The following SPP2 variants were observed in gnomAD, a reference collection of about 807,000 sequenced individuals.
The protein encoded by SPP2 is secreted phosphoprotein 2.
A neutral mutation model predicts 28.8 loss-of-function variants in SPP2; 34 were observed. The ratio of observed to expected loss-of-function variants is 1.18; its 90% CI spans 0.90 to 1.57. The LOEUF (loss-of-function observed/expected upper bound fraction) is 1.57. SPP2 is among the 40% of genes most tolerant of loss of function. The pLI is 0.00. For missense variants in SPP2, 269 were observed against 263.9 expected (o/e 1.02, Z -0.13); for synonymous variants, 96 against 89.4 (o/e 1.07, Z -0.42).
intron 2 of SPP2, among the ~76,000 whole-genome samples, chr2:234,055,327 A>G (rs1043975727): frequency 1.3e-5 from 2 of 152,252 alleles, no homozygotes; most frequent in African/African-American, 2.4e-5. Flanking sequence ...TTCTGATGGG[A>G]AGATTTCTGT....
At chr2:234,063,952 T>C (rs574466387) in intron 4 of SPP2, among the ~76,000 whole-genome samples, 2 of 152,276 alleles carry the variant, frequency 1.3e-5, no homozygotes, top group South Asian at 4.1e-4. Context: ...TTTCAAAAGA[T>C]AGATATTCAA....
In SPP2 at chr2:234,063,568, T is replaced by C. The variant is rs144797915; in HGVS notation, c.445-2965T>C. On this transcript the variant is annotated intron_variant, in intron 4 of 7. Transcript: ENST00000168148. The stretch of plus-strand genomic sequence containing the variant: ...ATTCTCCTATAGTTAACTAAATAGA[T>C]AGGTGAATTATCGGTAGTTTTTATT... Among the ~76,000 whole-genome samples the C allele has an allele frequency of 3.5e-3, 539 of 152,310 alleles. 5 individuals carry two copies. The highest frequency in any genetic ancestry group is 0.013 in the African/African-American group (520 of 41,570).
At chr2:234,059,084 G>C in intron 3 of SPP2, 126 bp downstream of exon 3, 1 of 1,154,832 alleles carries the variant, frequency 8.7e-7, no homozygotes, top group Admixed American at 2.9e-5. Flanking sequence ...CTAACATGTG[G>C]ACATTGTGTC....
chr2:234,075,000 CAAAAAAAA>C (rs3078239), intron 7 of SPP2, among the ~76,000 whole-genome samples: 1 of 116,958 alleles, frequency 8.6e-6, no homozygotes, highest in Non-Finnish European at 1.7e-5. Flanking sequence ...CACAAAAATG[CAAAAAAAA>C]AAAAAAAAAA....
rs116310052 is a variant in SPP2, at chr2:234,068,925, A to C, written c.551-1003A>C. On this transcript the variant is annotated intron_variant, in intron 6 of 7. Transcript: ENST00000168148. Reference sequence around the variant, plus strand: ...TCACAGTTTCTGAGGGTCAAAGACCAAGGAGAAACTTAGCTGGGTGGTTCT... The same window carrying C: ...TCACAGTTTCTGAGGGTCAAAGACCCAGGAGAAACTTAGCTGGGTGGTTCT... Among the ~76,000 whole-genome samples the C allele has an allele frequency of 3.5e-3, 539 of 152,298 alleles. 5 individuals are homozygous for C. The highest frequency in any genetic ancestry group is 0.013 in the African/African-American group (521 of 41,570).
chr2:234,053,646 T>A (rs2267901), intron 2 of SPP2, among the ~76,000 whole-genome samples: 40,626 of 151,904 alleles, frequency 0.27, 5,703 homozygotes, highest in South Asian at 0.5. Flanking sequence ...AATATTCTTT[T>A]AATTGATTTC....
At chr2:234,059,758 C>G (rs897498163) in intron 3 of SPP2, among the ~76,000 whole-genome samples, 3 of 152,118 alleles carry the variant, frequency 2.0e-5, no homozygotes, top group African/African-American at 7.2e-5. Context: ...CAGAAGTCAT[C>G]ATGGCAGATT....
At chr2:234,056,736 T>C (rs990127159) in intron 2 of SPP2, among the ~76,000 whole-genome samples, 2 of 152,134 alleles carry the variant, frequency 1.3e-5, no homozygotes, top group African/African-American at 4.8e-5. Flanking sequence ...AGACACAGAT[T>C]TAACGTTCAA....
chr2:234,064,543 C>G (rs181152705), intron 4 of SPP2, among the ~76,000 whole-genome samples: 1 of 151,804 alleles, frequency 6.6e-6, no homozygotes, highest in Non-Finnish European at 1.5e-5. Flanking sequence ...TGTTTTGATA[C>G]CCCCCTTTAA....
At chr2:234,055,296 C>G (rs1459189347) in intron 2 of SPP2, among the ~76,000 whole-genome samples, 1 of 152,216 alleles carries the variant, frequency 6.6e-6, no homozygotes, top group Non-Finnish European at 1.5e-5. Flanking sequence ...AATCCAAAGG[C>G]AGTCTGCTGG....
At chr2:234,070,506 T>C (rs906099796) in intron 7 of SPP2, among the ~76,000 whole-genome samples, 7 of 152,210 alleles carry the variant, frequency 4.6e-5, no homozygotes, top group Non-Finnish European at 1.0e-4. Context: ...TTGTTGCCCA[T>C]GCTGGAATGC....
chr2:234,073,044 C>A (rs999996753), intron 7 of SPP2, among the ~76,000 whole-genome samples: 5 of 152,066 alleles, frequency 3.3e-5, no homozygotes, highest in Non-Finnish European at 5.9e-5. Flanking sequence ...CCCACCACCA[C>A]GCCCAGCTAA....
At chr2:234,063,236 G>A (rs761738713) in intron 4 of SPP2, among the ~76,000 whole-genome samples, 16 of 151,876 alleles carry the variant, frequency 1.1e-4, no homozygotes, top group Non-Finnish European at 2.2e-4. Context: ...ATAAATTATT[G>A]TTGGAAGGAA....
At chr2:234,071,463 A>G (rs1050638541) in intron 7 of SPP2, among the ~76,000 whole-genome samples, 25 of 152,196 alleles carry the variant, frequency 1.6e-4, no homozygotes, top group Non-Finnish European at 2.2e-4. Flanking sequence ...TCACATGAGT[A>G]TAAATTCCCA....
chr2:234,069,718 C>T lies in SPP2; in HGVS notation c.551-210C>T, dbSNP rs530543515. On this transcript the variant is annotated intron_variant, in intron 6 of 7. Coordinates refer to ENST00000168148, the MANE Select transcript of SPP2 (RefSeq NM_006944.3). ...GTAATAAGGAGTGGGGAGAAATGAGCGCTAGACCAAGCTGAAACACAACAC... is the reference window on the plus strand; with the variant it reads ...GTAATAAGGAGTGGGGAGAAATGAGTGCTAGACCAAGCTGAAACACAACAC... Among the ~76,000 whole-genome samples, 17 of 152,046 alleles carry T rather than the reference C, an allele frequency of 1.1e-4. No homozygotes were observed. In the East Asian group the frequency reaches 2.1e-3, roughly 19 times the overall value.
Position 234,070,036 on chromosome 2 carries a change from A to G in SPP2, c.*10+13A>G. On this transcript the variant is annotated intron_variant, in intron 7 of 7. Coordinates refer to ENST00000168148, the MANE Select transcript of SPP2 (RefSeq NM_006944.3). Reference sequence around the variant, plus strand: ...TAACGGCCTTGAGGTAAGAAAATGCAGGTGCACACAAGTGTATTTAGAAAT... The same window carrying G: ...TAACGGCCTTGAGGTAAGAAAATGCGGGTGCACACAAGTGTATTTAGAAAT... 1.3e-6 allele frequency: 2 copies of G among 1,598,892 alleles called. No homozygotes were observed. Among genetic ancestry groups the G allele is most frequent in the Non-Finnish European group, 1.7e-6 (2 of 1,166,804 alleles).
At chr2:234,054,542 G>A (rs1232150081) in intron 2 of SPP2, among the ~76,000 whole-genome samples, 1 of 152,160 alleles carries the variant, frequency 6.6e-6, no homozygotes, top group Non-Finnish European at 1.5e-5. Flanking sequence ...CTTCTGGGCT[G>A]CAGACTGCTG....
chr2:234,073,914 TA>T (rs1690845244), intron 7 of SPP2, among the ~76,000 whole-genome samples: 1 of 152,220 alleles, frequency 6.6e-6, no homozygotes, highest in Non-Finnish European at 1.5e-5. Context: ...AAATGTTCAT[TA>T]AATGCCCCTC....
chr2:234,050,882 C>G lies in SPP2; in HGVS notation c.85+11C>G. On this transcript the variant is annotated intron_variant, in intron 1 of 7. Transcript: ENST00000168148. Reference sequence around the variant, plus strand: ...ACTGGTCTTGCTCAGGTAAGGTATTCACCAACCTGGCCACCTGCTCTGGAT... The same window carrying G: ...ACTGGTCTTGCTCAGGTAAGGTATTGACCAACCTGGCCACCTGCTCTGGAT... 6.2e-7 allele frequency: 1 copy of G among 1,613,982 alleles called. No individual in the cohort carries two copies. Among genetic ancestry groups the G allele is most frequent in the Non-Finnish European group, 8.5e-7 (1 of 1,179,896 alleles).
Sources: allele counts gnomAD v4.1 joint callset (sites outside exome capture counted in the v4.1 genomes callset), GRCh38; gene constraint gnomAD v4.1.1; transcripts MANE v1.5; gene names NCBI Gene and HGNC (gene_info 2026-07-23, HGNC 2026-07-21).